Variants in TMEM132B observed in about 807,000 individuals in gnomAD.
The protein encoded by TMEM132B is transmembrane protein 132B.
In TMEM132B, 18 loss-of-function variants were observed where a neutral mutation model predicts 90.8. That is an observed-to-expected ratio of 0.20 (90% CI 0.14 to 0.29). The LOEUF (loss-of-function observed/expected upper bound fraction) is 0.29. Among genes scored for constraint, TMEM132B ranks in the 10% least tolerant of loss-of-function variants. The pLI is 1.00. For missense variants in TMEM132B, 1,096 were observed against 1,326.8 expected (o/e 0.83, Z 2.70); for synonymous variants, 504 against 523.3 (o/e 0.96, Z 0.50).
In TMEM132B at chr12:125,411,069, GGAGT is replaced by G. The variant is rs200999238; in HGVS notation, c.960-4456_960-4453del. 7.6e-3 allele frequency among the ~76,000 whole-genome samples: 61 copies of G among 7,984 alleles called. 18 individuals carry two copies. Among genetic ancestry groups the G allele is most frequent in the East Asian group, 0.054 (11 of 202 alleles). The allele number at this position is 7,984 out of a possible 152,430, so 5.2% of individuals were successfully genotyped here. On this transcript the variant is annotated intron_variant, in intron 2 of 8. Transcript: ENST00000682704. ...TGGAGTGGAGTGGAGTGGAGTGAGTGGAGTGAGTGGAGTGGAGTGGAGGAGTGGA... is the reference window on the plus strand; with the variant it reads ...TGGAGTGGAGTGGAGTGGAGTGAGTGGAGTGGAGTGGAGTGGAGGAGTGGA...
chr12:125,519,696 C>G, intron 4 of TMEM132B, 71 bp downstream of exon 4: 1 of 1,479,150 alleles, frequency 6.8e-7, no homozygotes. Flanking sequence ...ACTGTATAAT[C>G]TGTTATTTTC....
intron 5 of TMEM132B, among the ~76,000 whole-genome samples, chr12:125,626,879 A>C (rs1442735658): frequency 6.7e-6 from 1 of 149,394 alleles, no homozygotes; most frequent in Non-Finnish European, 1.5e-5. Flanking sequence ...AGTTTTTTCA[A>C]ATATTTTTTG....
intron 5 of TMEM132B, among the ~76,000 whole-genome samples, chr12:125,605,915 A>G (rs925003265): frequency 1.3e-5 from 2 of 152,188 alleles, no homozygotes; most frequent in African/African-American, 4.8e-5. Context: ...GGCAGCAAAG[A>G]CTGATGATGT....
At chr12:125,195,090 T>C (rs1252407061) in intron 1 of TMEM132B, among the ~76,000 whole-genome samples, 6 of 152,230 alleles carry the variant, frequency 3.9e-5, no homozygotes, top group Non-Finnish European at 5.9e-5. Context: ...CTGAACTCGC[T>C]GTAGCTGGCC....
At chr12:125,442,248 G>A (rs1218550203) in intron 3 of TMEM132B, among the ~76,000 whole-genome samples, 4 of 152,218 alleles carry the variant, frequency 2.6e-5, no homozygotes, top group African/African-American at 9.6e-5. Context: ...AGGAAATAGA[G>A]GCAGGAAATA....
intron 1 of TMEM132B, among the ~76,000 whole-genome samples, chr12:125,210,757 A>G (rs535556586): frequency 6.6e-6 from 1 of 152,236 alleles, no homozygotes; most frequent in South Asian, 2.1e-4. Context: ...TGAGTCCAGG[A>G]GTTTGAGGCC....
At chr12:125,290,940 T>G (rs1875520392) in intron 1 of TMEM132B, among the ~76,000 whole-genome samples, 1 of 152,210 alleles carries the variant, frequency 6.6e-6, no homozygotes, top group African/African-American at 2.4e-5. Context: ...GATTGTGTTT[T>G]ATGGCACAGT....
intron 2 of TMEM132B, among the ~76,000 whole-genome samples, chr12:125,412,638 C>T (rs1481278745): frequency 1.3e-5 from 2 of 152,098 alleles, no homozygotes; most frequent in African/African-American, 4.8e-5. Flanking sequence ...CACACGGCTG[C>T]TTGGTGAAAG....
At position 125,658,698 on chromosome 12, in the gene TMEM132B, G is replaced by T. The variant is rs527656161; in HGVS notation, c.*3988G>T. ...AATATAGGCAATATAATGAAACACC[G>T]AGTTTTTTAAAGTGAAAGCATGCAA... On this transcript the variant is annotated 3_prime_UTR_variant, in exon 9 of 9. Coordinates refer to ENST00000682704, the MANE Select transcript of TMEM132B (RefSeq NM_001366854.1). The T allele has an allele frequency of 6.6e-6, 1 of 152,156 alleles. No individual in the cohort carries two copies. The highest frequency in any genetic ancestry group is 1.5e-5 in the Non-Finnish European group (1 of 68,036). The allele number at this position is 152,156 out of a possible 1,614,324, so 9.4% of individuals were successfully genotyped here. A position where few individuals can be genotyped will look rare whatever the true frequency, so the allele number is the denominator to read the frequency against.
At chr12:125,420,301 A>G (rs1880133446) in intron 3 of TMEM132B, among the ~76,000 whole-genome samples, 1 of 152,226 alleles carries the variant, frequency 6.6e-6, no homozygotes, top group Admixed American at 6.5e-5. Flanking sequence ...CTGGGCATCC[A>G]GGCATTTCCA....
At chr12:125,294,040 G>A (rs1875608420) in intron 1 of TMEM132B, among the ~76,000 whole-genome samples, 1 of 152,210 alleles carries the variant, frequency 6.6e-6, no homozygotes, top group African/African-American at 2.4e-5. Flanking sequence ...AAGCCTAGAG[G>A]TGACCTGTGA....
chr12:125,333,000 G>T (rs1876835848), intron 1 of TMEM132B, among the ~76,000 whole-genome samples: 1 of 152,134 alleles, frequency 6.6e-6, no homozygotes, highest in Non-Finnish European at 1.5e-5. Flanking sequence ...CCACTAACTC[G>T]GTGGCTTAAA....
At chr12:125,318,006 C>T (rs1228800456) in intron 1 of TMEM132B, among the ~76,000 whole-genome samples, 3 of 152,070 alleles carry the variant, frequency 2.0e-5, no homozygotes, top group African/African-American at 7.3e-5. Context: ...CAATGGGATA[C>T]CAAATAGTAG....
intron 4 of TMEM132B, among the ~76,000 whole-genome samples, chr12:125,563,151 TAA>T (rs1884576696): frequency 3.0e-5 from 1 of 33,842 alleles, no homozygotes; most frequent in African/African-American, 5.5e-5. Context: ...TAATGCGTAA[TAA>T]TAATAATAAT....
chr12:125,454,392 T>TGTGTGTGTGTG (rs1555250638), intron 3 of TMEM132B, among the ~76,000 whole-genome samples: 17 of 112,078 alleles, frequency 1.5e-4, no homozygotes, highest in East Asian at 6.7e-4. Flanking sequence ...GTGTGTGTGT[T>TGTGTGTGTGTG]TGTGTGTGTG....
intron 1 of TMEM132B, among the ~76,000 whole-genome samples, chr12:125,230,584 C>T (rs1873794636): frequency 6.6e-6 from 1 of 151,832 alleles, no homozygotes; most frequent in Admixed American, 6.6e-5. Context: ...GGGTTCATGC[C>T]ATTCTCTTGC....
intron 3 of TMEM132B, among the ~76,000 whole-genome samples, chr12:125,428,941 A>G (rs991372125): frequency 6.6e-6 from 1 of 152,184 alleles, no homozygotes; most frequent in Non-Finnish European, 1.5e-5. Context: ...TCACCCCTGA[A>G]GATATTCCCC....
intron 3 of TMEM132B, among the ~76,000 whole-genome samples, chr12:125,515,272 TCA>T (rs570856241): frequency 5.9e-4 from 89 of 150,292 alleles, no homozygotes; most frequent in African/African-American, 1.4e-3. Flanking sequence ...ATACATTCAC[TCA>T]CACACAAATT....
intron 2 of TMEM132B, among the ~76,000 whole-genome samples, chr12:125,369,984 G>A (rs929162758): frequency 5.9e-5 from 9 of 152,190 alleles, no homozygotes; most frequent in African/African-American, 2.2e-4. Context: ...GTGAGGAGGA[G>A]GTTGCAGCGA....
Sources: gnomAD v4.1 joint callset for allele counts (sites outside exome capture counted in the v4.1 genomes callset) on GRCh38, gnomAD v4.1.1 for gene constraint, MANE v1.5 for transcripts, NCBI Gene and HGNC (gene_info 2026-07-23, HGNC 2026-07-21) for gene names.